The following HTR2A variants were observed in gnomAD, a reference collection of about 807,000 sequenced individuals.
The protein encoded by HTR2A is 5-HT2 receptor.
A neutral mutation model predicts 31.0 loss-of-function variants in HTR2A; 14 were observed. The ratio of observed to expected loss-of-function variants is 0.45; its 90% CI spans 0.30 to 0.71. The LOEUF (loss-of-function observed/expected upper bound fraction) is 0.71, where lower values mean the gene tolerates loss of function less well. Ranked by LOEUF, HTR2A falls within the 30% of genes least tolerant of loss-of-function variation. The pLI is 0.09. For missense variants in HTR2A, 442 were observed against 573.3 expected, an observed-to-expected ratio of 0.77 and a Z score of 2.34; for synonymous variants, 209 against 225.2, an observed-to-expected ratio of 0.93 and a Z score of 0.64.
At chr13:46,871,900 T>C (rs1487173337) in intron 3 of HTR2A, among the ~76,000 whole-genome samples, 1 of 152,244 alleles carries the variant, frequency 6.6e-6, no homozygotes, top group Non-Finnish European at 1.5e-5. Context: ...CAAAATGTAA[T>C]TTAATTCTAG....
Position 46,870,414 on chromosome 13 carries a change from A to G in HTR2A, c.613+21976T>C, listed in dbSNP as rs190937129. On this transcript the variant is annotated intron_variant, in intron 3 of 3. Transcript: ENST00000542664. ...AAAGTCATTATAAAGCCCATGTAGA[A>G]AAACAAATTGACAATACAATGTTAT... Among the ~76,000 whole-genome samples the G allele has an allele frequency of 1.7e-3, 263 of 152,328 alleles. 2 individuals carry two copies. Among genetic ancestry groups the G allele is most frequent in the African/African-American group, 5.9e-3 (246 of 41,588 alleles).
chr13:46,842,093 T>G (rs1210836657), intron 3 of HTR2A, among the ~76,000 whole-genome samples: 2 of 152,156 alleles, frequency 1.3e-5, no homozygotes, highest in Admixed American at 1.3e-4. Context: ...ACAATTATGA[T>G]TCACAAATGA....
intron 3 of HTR2A, among the ~76,000 whole-genome samples, chr13:46,885,147 A>G (rs1192784707): frequency 6.6e-6 from 1 of 152,190 alleles, no homozygotes. Context: ...GTATTAGTAA[A>G]TGATTGAGTA....
chr13:46,861,355 C>A (rs1397694968), intron 3 of HTR2A, among the ~76,000 whole-genome samples: 1 of 152,078 alleles, frequency 6.6e-6, no homozygotes, highest in African/African-American at 2.4e-5. Flanking sequence ...AGATTGTAAA[C>A]ATTTTACTTC....
At chr13:46,896,283 A>G (rs1951104536) in intron 1 of HTR2A, 49 bp from the exon 2 acceptor site, 1 of 1,051,118 alleles carries the variant, frequency 9.5e-7, no homozygotes, top group Non-Finnish European at 1.2e-6. Context: ...TTGTTTAACT[A>G]TATCTCATTT....
chr13:46,882,723 C>CCAAGACAA (rs1448777363), intron 3 of HTR2A, among the ~76,000 whole-genome samples: 2 of 152,076 alleles, frequency 1.3e-5, no homozygotes, highest in Non-Finnish European at 2.9e-5. Context: ...TAGGAAAAAG[C>CCAAGACAA]CAAGACAAGA....
Position 46,895,814 on chromosome 13 carries a change from G to T in HTR2A, c.93C>A (p.Asp31Glu). 1 of 1,614,142 alleles carries T rather than the reference G, an allele frequency of 6.2e-7. No individual in the cohort carries two copies. Reference protein sequence around the residue: ...LNDDTRLYSNDFNSGEANTSD... With the variant: ...LNDDTRLYSNEFNSGEANTSD... ...AAGTGTTAGCTTCTCCGGAGTTAAA[G>T]TCATTACTGTAGAGCCTGGTGTCAT... Residue 31 changes from aspartate (D) to glutamate (E), a missense_variant, in exon 2 of 4, where the codon GAC (aspartate) becomes GAA (glutamate). By Grantham distance (45) the Asp-to-Glu change is conservative. Around this residue, in one of 5 missense-constraint regions of HTR2A, gnomAD observed 83 missense variants for 84.8 expected, o/e 0.98. Coordinates refer to ENST00000542664, the MANE Select transcript of HTR2A (RefSeq NM_000621.5). This position sits in a 1 kb window ranked among gnomAD's most constrained non-coding sequence, Gnocchi z 4.4.
chr13:46,852,208 A>G (rs962423252), intron 3 of HTR2A: 1 of 152,248 alleles, frequency 6.6e-6, no homozygotes, highest in African/African-American at 2.4e-5. Context: ...CCAACTTTGG[A>G]CTTTTCACTT....
rs181702170 is a variant in HTR2A at position 46,855,043 on chromosome 13, G to A, written c.614-19404C>T. ...ATTGGGAGACGGAACTATAAGTCAG[G>A]GAACACCAAATTGACTAATGTCCCC... On this transcript the variant is annotated intron_variant, in intron 3 of 3. Coordinates refer to ENST00000542664, the MANE Select transcript of HTR2A (RefSeq NM_000621.5). 1.9e-3 allele frequency among the ~76,000 whole-genome samples: 286 copies of A among 152,224 alleles called. 3 individuals carry two copies. Among genetic ancestry groups the A allele is most frequent in the African/African-American group, 6.5e-3 (270 of 41,532 alleles).
In HTR2A at chr13:46,865,037, T is replaced by G. The variant is rs1950808782; in HGVS notation, c.613+27353A>C. On this transcript the variant is annotated intron_variant, in intron 3 of 3. Transcript: ENST00000542664. ...ATATATTTCACGTGCTCTTAAACTA[T>G]GTCCCTAAAACCCGAGCAGATGTTA... 2.0e-5 allele frequency among the ~76,000 whole-genome samples: 3 copies of G among 152,326 alleles called. No individual in the cohort carries two copies. The South Asian group carries it at 6.2e-4, about 32-fold the overall frequency.
chr13:46,881,898 T>TG (rs1307847370), intron 3 of HTR2A, among the ~76,000 whole-genome samples: 1 of 152,120 alleles, frequency 6.6e-6, no homozygotes, highest in East Asian at 1.9e-4. Context: ...TTTCAAGCAT[T>TG]TTTTTTCCAG....
intron 3 of HTR2A, among the ~76,000 whole-genome samples, chr13:46,846,322 G>A (rs1359020934): frequency 2.0e-5 from 3 of 152,026 alleles, no homozygotes; most frequent in Admixed American, 1.3e-4. Flanking sequence ...CTAACAGCTG[G>A]CAATTATAGA....
At chr13:46,896,612 G>C in intron 1 of HTR2A, 62 bp downstream of exon 1, 1 of 1,229,548 alleles carries the variant, frequency 8.1e-7, no homozygotes. Context: ...TGTTGGCCAA[G>C]CATGATTTCA....
intron 3 of HTR2A, among the ~76,000 whole-genome samples, chr13:46,851,022 T>C (rs550788925): frequency 1.3e-5 from 2 of 152,298 alleles, no homozygotes; most frequent in Admixed American, 1.3e-4. Context: ...GCAGAAACCC[T>C]TTGAAAAGGA....
chr13:46,849,008 G>A (rs574589663), intron 3 of HTR2A, among the ~76,000 whole-genome samples: 55 of 152,280 alleles, frequency 3.6e-4, no homozygotes, highest in African/African-American at 1.2e-3. Flanking sequence ...GAACAACTGA[G>A]ACATTTAGCT....
intron 3 of HTR2A, among the ~76,000 whole-genome samples, chr13:46,884,696 AAAACTATACAG>A (rs1004763593): frequency 5.9e-5 from 9 of 152,264 alleles, no homozygotes; most frequent in African/African-American, 2.2e-4. Context: ...AAACTGTGAC[AAAACTATACAG>A]AAATGCTTAA....
At chr13:46,881,310 CCACTTGA>C (rs1344589501) in intron 3 of HTR2A, among the ~76,000 whole-genome samples, 4 of 152,126 alleles carry the variant, frequency 2.6e-5, no homozygotes, top group South Asian at 2.1e-4. Context: ...GCATAGATGG[CCACTTGA>C]CACTTGACAG....
At chr13:46,837,138 C>A (rs1950568443) in intron 3 of HTR2A, among the ~76,000 whole-genome samples, 1 of 152,254 alleles carries the variant, frequency 6.6e-6, no homozygotes, top group African/African-American at 2.4e-5. Flanking sequence ...ATAAAGGCAA[C>A]CCCTGGCCTC....
rs114087627 is a variant in HTR2A, at chr13:46,859,818, G to A, written c.614-24179C>T. Among the ~76,000 whole-genome samples the A allele has an allele frequency of 5.6e-3, 851 of 152,194 alleles. 6 individuals carry two copies. Among genetic ancestry groups the A allele is most frequent in the Middle Eastern group, 0.041 (12 of 294 alleles). On this transcript the variant is annotated intron_variant, in intron 3 of 3. Coordinates refer to ENST00000542664, the MANE Select transcript of HTR2A (RefSeq NM_000621.5). ...TATTTCTTTACGGCAATGCAAGAGTGGACTGATACAAGGTAAAGATTGTGC... is the reference window on the plus strand; with the variant it reads ...TATTTCTTTACGGCAATGCAAGAGTAGACTGATACAAGGTAAAGATTGTGC...
Sources: gnomAD v4.1 joint callset for allele counts (sites outside exome capture counted in the v4.1 genomes callset) on GRCh38, gnomAD v4.1.1 for gene constraint, gnomAD v4.1.1 regional missense constraint, Gnocchi (gnomAD v3.1) non-coding constraint, MANE v1.5 for transcripts, NCBI Gene and HGNC (gene_info 2026-07-23, HGNC 2026-07-21) for gene names.